GALNT16: variants seen among roughly 807,000 people sequenced by gnomAD.
GALNT16 encodes the protein polypeptide N-acetylgalactosaminyltransferase 16, also known as UDP-GalNAc:polypeptide N-acetylgalactosaminyltransferase-like protein 1.
A neutral mutation model predicts 76.1 loss-of-function variants in GALNT16; 40 were observed. The observed-to-expected ratio is 0.53, with a 90% CI of 0.41 to 0.68. The LOEUF (loss-of-function observed/expected upper bound fraction) is 0.68. GALNT16 is among the 30% of genes least tolerant of loss of function. The pLI is 0.00. For synonymous variants in GALNT16, 276 were observed against 285.2 expected (o/e 0.97, Z 0.32); for missense variants, 621 against 731.9 (o/e 0.85, Z 1.75).
chr14:69,278,729 C>T (rs1030966230), intron 1 of GALNT16, among the ~76,000 whole-genome samples: 14 of 152,094 alleles, frequency 9.2e-5, no homozygotes, highest in African/African-American at 3.4e-4. Flanking sequence ...ATGTGTTGTC[C>T]GTGTTTCATA....
At chr14:69,291,201 G>A (rs956757210) in intron 1 of GALNT16, among the ~76,000 whole-genome samples, 1 of 152,210 alleles carries the variant, frequency 6.6e-6, no homozygotes, top group Non-Finnish European at 1.5e-5. Flanking sequence ...GGCTGAGGCA[G>A]GAGGATTGCT....
At chr14:69,325,047 G>A (rs1398875667) in intron 3 of GALNT16, among the ~76,000 whole-genome samples, 1 of 152,208 alleles carries the variant, frequency 6.6e-6, no homozygotes, top group African/African-American at 2.4e-5. Flanking sequence ...GGGAGGCCGG[G>A]CTAGACAGGA....
At chr14:69,313,205 C>T (rs1566875954) in intron 1 of GALNT16, among the ~76,000 whole-genome samples, 1 of 152,248 alleles carries the variant, frequency 6.6e-6, no homozygotes, top group Admixed American at 6.5e-5. Flanking sequence ...GCAGCTGTGG[C>T]TGGAAGGATC....
the GALNT16 span, among the ~76,000 whole-genome samples, chr14:69,382,044 C>G: frequency 6.6e-6 from 1 of 152,172 alleles, no homozygotes; most frequent in East Asian, 1.9e-4. Context: ...AAGTTATTAG[C>G]TAGGTAATGC....
the GALNT16 span, chr14:69,380,521 C>CCTG: frequency 4.4e-6 from 6 of 1,367,750 alleles, no homozygotes; most frequent in South Asian, 1.2e-5. Flanking sequence ...CCAACCCCCC[C>CCTG]AGTGCTTCCA....
At chr14:69,375,353 C>T in the GALNT16 span, among the ~76,000 whole-genome samples, 2 of 152,230 alleles carry the variant, frequency 1.3e-5, no homozygotes, top group East Asian at 1.9e-4. Flanking sequence ...TCTGACAATC[C>T]GAGTCTTTTC....
chr14:69,321,816 T>A (rs2045190758), intron 2 of GALNT16, among the ~76,000 whole-genome samples: 1 of 152,252 alleles, frequency 6.6e-6, no homozygotes, highest in Non-Finnish European at 1.5e-5. Flanking sequence ...TGTGCAGACA[T>A]CTCACAGAAT....
At chr14:69,288,569 C>G (rs1042384346) in intron 1 of GALNT16, among the ~76,000 whole-genome samples, 1 of 152,136 alleles carries the variant, frequency 6.6e-6, no homozygotes, top group Non-Finnish European at 1.5e-5. Context: ...TTGCATTGAC[C>G]GAGCACCTAG....
chr14:69,302,581 G>T (rs994207939), intron 1 of GALNT16, among the ~76,000 whole-genome samples: 5 of 152,156 alleles, frequency 3.3e-5, no homozygotes, highest in Non-Finnish European at 7.4e-5. Flanking sequence ...AAATATAAAA[G>T]AGATAAAAGG....
At chr14:69,313,878 G>A (rs1459684483) in intron 1 of GALNT16, among the ~76,000 whole-genome samples, 4 of 152,216 alleles carry the variant, frequency 2.6e-5, no homozygotes, top group Admixed American at 1.3e-4. Flanking sequence ...CCAGACTCGC[G>A]GTTAGCCTTC....
intron 14 of GALNT16, 69 bp from the exon 15 acceptor site, chr14:69,351,962 A>C: frequency 6.9e-7 from 1 of 1,438,996 alleles, no homozygotes; most frequent in Non-Finnish European, 9.5e-7. Context: ...TGTGGAATGA[A>C]AGTACAACAT....
chr14:69,268,606 G>A (rs2044368095), intron 1 of GALNT16, among the ~76,000 whole-genome samples: 1 of 152,194 alleles, frequency 6.6e-6, no homozygotes, highest in Non-Finnish European at 1.5e-5. Context: ...TATGTGCCAG[G>A]ACTGTTACAG....
At chr14:69,327,227 G>C (rs964026680) in intron 5 of GALNT16, among the ~76,000 whole-genome samples, 1 of 152,208 alleles carries the variant, frequency 6.6e-6, no homozygotes, top group African/African-American at 2.4e-5. Flanking sequence ...GCACATGCCT[G>C]TAGCCCCAAC....
At chr14:69,282,747 C>G (rs1408014653) in intron 1 of GALNT16, among the ~76,000 whole-genome samples, 1 of 152,030 alleles carries the variant, frequency 6.6e-6, no homozygotes, top group Non-Finnish European at 1.5e-5. Flanking sequence ...CTCACTACAA[C>G]GTCCGCCTCC....
At chr14:69,312,085 CTATCTATCTATCTATCTA>C in intron 1 of GALNT16, among the ~76,000 whole-genome samples, 1 of 150,802 alleles carries the variant, frequency 6.6e-6, no homozygotes, top group African/African-American at 2.4e-5. Flanking sequence ...ATCTATCTAT[CTATCTATCTATCTATCTA>C]TATCTATCTA....
the GALNT16 span, among the ~76,000 whole-genome samples, chr14:69,366,145 A>G: frequency 6.6e-6 from 1 of 152,216 alleles, no homozygotes; most frequent in African/African-American, 2.4e-5. Context: ...GGGCAGAGAA[A>G]GTAGTGATGT....
intron 1 of GALNT16, among the ~76,000 whole-genome samples, chr14:69,304,572 G>A (rs1402309066): frequency 6.6e-6 from 1 of 152,082 alleles, no homozygotes; most frequent in East Asian, 1.9e-4. Context: ...CTTTTTGCTT[G>A]GCTGAAACTT....
chr14:69,322,979 T>C (rs1369826731), intron 2 of GALNT16, among the ~76,000 whole-genome samples: 1,981 of 31,730 alleles, frequency 0.062, 82 homozygotes, highest in African/African-American at 0.15. Flanking sequence ...TGTGTGTGTG[T>C]GTGCGCGCGC....
chr14:69,339,459 T>A (rs1274276765), intron 10 of GALNT16, 68 bp from the exon 11 acceptor site: 1 of 920,656 alleles, frequency 1.1e-6, no homozygotes, highest in East Asian at 2.4e-5. Context: ...GATCGATTAA[T>A]CTTGATCCTG....
Sources: allele counts gnomAD v4.1 joint callset (sites outside exome capture counted in the v4.1 genomes callset), GRCh38; gene constraint gnomAD v4.1.1; transcripts MANE v1.5; gene names NCBI Gene and HGNC (gene_info 2026-07-23, HGNC 2026-07-21).